Variants in ABCA12 observed in about 807,000 individuals in gnomAD.
ABCA12 encodes ATP binding cassette subfamily A member 12.
In ABCA12, 156 loss-of-function variants were observed where a neutral mutation model predicts 293.5. That is an observed-to-expected ratio of 0.53 (90% CI 0.47 to 0.61). The LOEUF is 0.61. ABCA12 is among the 20% of genes least tolerant of loss of function. ABCA12 has a pLI of 0.00. For missense variants in ABCA12, 2,797 were observed against 3,090.2 expected (o/e 0.91, Z 2.25); for synonymous variants, 1,063 against 1,108.0 (o/e 0.96, Z 0.81).
At position 214,947,408 on chromosome 2, in the gene ABCA12, A is replaced by G. The variant is rs1186094435; in HGVS notation, c.7239+14T>C. The G allele has an allele frequency of 5.0e-6, 8 of 1,613,704 alleles. No individual in the cohort carries two copies. Among genetic ancestry groups the G allele is most frequent in the Non-Finnish European group, 5.9e-6 (7 of 1,179,738 alleles). On this transcript the variant is annotated intron_variant, in intron 48 of 52. Coordinates refer to ENST00000272895, the MANE Select transcript of ABCA12 (RefSeq NM_173076.3). ...TAATTATGGAGTGGCCTGTTTAAAT[A>G]ATGATTCTCTTACCAGCAGTAGAAT...
chr2:214,945,032 T>C lies in ABCA12; in HGVS notation c.7312A>G (p.Asn2438Asp), dbSNP rs747816891. 1.2e-6 allele frequency: 2 copies of C among 1,613,816 alleles called. No individual in the cohort carries two copies. Among genetic ancestry groups the C allele is most frequent in the Non-Finnish European group, 8.5e-7 (1 of 1,179,900 alleles). Residue 2438 changes from asparagine (N) to aspartate (D), a missense_variant, in exon 49 of 53, where the codon AAC becomes GAC. Transcript: ENST00000272895. ...LWKIISEEVQNKCSVILTSHS... is the reference protein window; with the variant it reads ...LWKIISEEVQDKCSVILTSHS... The stretch of plus-strand genomic sequence containing the variant: ...GATGTGAGGATGACGGAACATTTGT[T>C]CTGTACTTCTTCTGAAATGATCTTC...
rs185408244 is a variant in ABCA12, at chr2:214,949,807, C to T, written c.6853-658G>A. Among the ~76,000 whole-genome samples the T allele has an allele frequency of 7.9e-4, 121 of 152,266 alleles. 1 individual carries two copies. Among genetic ancestry groups the T allele is most frequent in the East Asian group, 5.6e-3 (29 of 5,168 alleles). On this transcript the variant is annotated intron_variant, in intron 45 of 52. Coordinates refer to ENST00000272895, the MANE Select transcript of ABCA12 (RefSeq NM_173076.3). ...ACAGCACCCTGAACAGGCTTCCTGA[C>T]CAAAGTCTACCCCACAGTAAGTGGA...
At chr2:215,036,508 C>T (rs1700993384) in intron 8 of ABCA12, among the ~76,000 whole-genome samples, 1 of 152,024 alleles carries the variant, frequency 6.6e-6, no homozygotes, top group African/African-American at 2.4e-5. Context: ...GTAGACAGTA[C>T]CATTCTAGAT....
At position 215,030,729 on chromosome 2, in the gene ABCA12, C is replaced by T. The variant is rs553996145; in HGVS notation, c.1061+1092G>A. On this transcript the variant is annotated intron_variant, in intron 9 of 52. Transcript: ENST00000272895. ...CCACCTTAGAGGATGAGAGAGATGG[C>T]AGCAGAAAGAGGAGGTAGTTGTTTA... Among the ~76,000 whole-genome samples the T allele has an allele frequency of 5.9e-4, 89 of 152,042 alleles. 1 individual carries two copies. Among genetic ancestry groups the T allele is most frequent in the Non-Finnish European group, 1.0e-3 (70 of 68,002 alleles).
intron 1 of ABCA12, among the ~76,000 whole-genome samples, chr2:215,116,087 G>A (rs191214258): frequency 2.4e-4 from 36 of 152,312 alleles, no homozygotes; most frequent in Non-Finnish European, 4.9e-4. Flanking sequence ...TCTTGGTAGT[G>A]TTAGGTTAGA....
At chr2:215,112,112 A>G (rs1332270685) in intron 1 of ABCA12, among the ~76,000 whole-genome samples, 1 of 152,176 alleles carries the variant, frequency 6.6e-6, no homozygotes, top group Non-Finnish European at 1.5e-5. Context: ...AGCCCTTTCA[A>G]TGTCAGCATT....
At chr2:215,104,814 A>G (rs1243456780) in intron 2 of ABCA12, among the ~76,000 whole-genome samples, 1 of 152,196 alleles carries the variant, frequency 6.6e-6, no homozygotes, top group Non-Finnish European at 1.5e-5. Flanking sequence ...TTTGTGATGG[A>G]AATTCCCAGG....
intron 11 of ABCA12, chr2:215,020,819 T>G (rs1438718024): frequency 6.6e-6 from 1 of 151,888 alleles, no homozygotes; most frequent in African/African-American, 2.4e-5. Context: ...CACCTTACCC[T>G]CTTGAGTAAG....
intron 39 of ABCA12, among the ~76,000 whole-genome samples, chr2:214,965,911 T>G (rs945568565): frequency 6.6e-6 from 1 of 152,218 alleles, no homozygotes; most frequent in Non-Finnish European, 1.5e-5. Context: ...ATATAAATAA[T>G]TTTGTTATAA....
intron 34 of ABCA12, 23 bp from the exon 35 acceptor site, chr2:214,974,887 C>A (rs1699475743): frequency 1.9e-6 from 3 of 1,595,178 alleles, no homozygotes; most frequent in Non-Finnish European, 8.6e-7. Flanking sequence ...AGGACAGAAA[C>A]AAATTCATGA....
In ABCA12 at chr2:214,948,852, A is replaced by G. The variant is rs544418794; in HGVS notation, c.6963-115T>C. The G allele has an allele frequency of 2.2e-6, 3 of 1,336,300 alleles. No homozygotes were observed. The South Asian group carries it at 3.7e-5, about 16-fold the overall frequency. 82.8% of individuals were successfully genotyped at this position (1,336,300 alleles called of 1,614,324 possible). ...CATGGTGGTCAGTGACTTTGATAAA[A>G]AGGGATAAAATAATCCCACTATCAA... is the stretch of plus-strand genomic sequence containing the variant. On this transcript the variant is annotated intron_variant, in intron 46 of 52. Transcript: ENST00000272895.
intron 8 of ABCA12, among the ~76,000 whole-genome samples, chr2:215,033,693 G>T (rs4420697): frequency 0.96 from 146,240 of 152,258 alleles, 70,494 homozygotes; most frequent in East Asian, 1. Context: ...TGTAATCCCA[G>T]CATTTTGGGA....
intron 2 of ABCA12, among the ~76,000 whole-genome samples, chr2:215,081,810 A>G (rs1348797935): frequency 6.6e-6 from 1 of 152,142 alleles, no homozygotes; most frequent in Admixed American, 6.5e-5. Context: ...AGAGACCTGG[A>G]AGACAAGATT....
intron 4 of ABCA12, among the ~76,000 whole-genome samples, chr2:215,052,951 T>C (rs1701350082): frequency 1.3e-5 from 2 of 152,142 alleles, no homozygotes; most frequent in African/African-American, 4.8e-5. Flanking sequence ...AGATCCATCA[T>C]ATCCAACATC....
chr2:215,079,252 A>G (rs1701891255), intron 2 of ABCA12, among the ~76,000 whole-genome samples: 1 of 152,232 alleles, frequency 6.6e-6, no homozygotes. Flanking sequence ...AGCACACAAG[A>G]AAATCTTCCT....
chr2:215,068,288 C>T (rs1701672947), intron 2 of ABCA12, among the ~76,000 whole-genome samples: 1 of 152,170 alleles, frequency 6.6e-6, no homozygotes, highest in Non-Finnish European at 1.5e-5. Flanking sequence ...TTGGGAACCA[C>T]TGGATTAGAC....
intron 52 of ABCA12, among the ~76,000 whole-genome samples, chr2:214,933,007 A>G (rs1375793949): frequency 1.3e-5 from 2 of 152,126 alleles, no homozygotes; most frequent in Non-Finnish European, 2.9e-5. Flanking sequence ...AATCATGTCA[A>G]TCTTAAGCCA....
chr2:214,968,904 G>C, intron 37 of ABCA12, 97 bp from the exon 38 acceptor site: 1 of 965,412 alleles, frequency 1.0e-6, no homozygotes, highest in East Asian at 2.4e-5. Flanking sequence ...TTTTGTTTCT[G>C]TTAGGAACAC....
chr2:215,020,121 T>C (rs1022886295), intron 11 of ABCA12, among the ~76,000 whole-genome samples: 3 of 152,162 alleles, frequency 2.0e-5, no homozygotes, highest in African/African-American at 7.2e-5. Context: ...ATTTATATTT[T>C]AAATCATATG....
Sources: gnomAD v4.1 joint callset for allele counts (sites outside exome capture counted in the v4.1 genomes callset) on GRCh38, gnomAD v4.1.1 for gene constraint, MANE v1.5 for transcripts, NCBI Gene and HGNC (gene_info 2026-07-23, HGNC 2026-07-21) for gene names.